MGA: variants seen among roughly 807,000 people sequenced by gnomAD.
The protein encoded by MGA is MAX dimerization protein MGA, also known as MAX gene-associated protein.
Under a neutral mutation model 261.1 loss-of-function variants are expected in MGA, and 40 were observed. That is an observed-to-expected ratio of 0.15 (90% CI 0.12 to 0.20). The LOEUF (loss-of-function observed/expected upper bound fraction) is 0.20, where lower values mean the gene tolerates loss of function less well. Among genes scored for constraint, MGA ranks in the 10% least tolerant of loss-of-function variants. MGA has a pLI of 1.00. For missense variants in MGA, 3,397 were observed against 3,630.5 expected (o/e 0.94, Z 1.65); for synonymous variants, 1,302 against 1,290.6 (o/e 1.01, Z -0.19).
At chr15:41,703,310 A>G (rs1445218470) in intron 5 of MGA, among the ~76,000 whole-genome samples, 1 of 146,030 alleles carries the variant, frequency 6.8e-6, no homozygotes, top group African/African-American at 2.5e-5. Flanking sequence ...ATTTATCACT[A>G]TTGATGTTGA....
chr15:41,737,851 G>A lies in MGA; in HGVS notation c.4434+1153G>A, dbSNP rs571160555. Among the ~76,000 whole-genome samples the A allele has an allele frequency of 5.3e-5, 8 of 151,948 alleles. No homozygotes were observed. In the South Asian group the frequency reaches 8.3e-4, roughly 16 times the overall value. On this transcript the variant is annotated intron_variant, in intron 13 of 23. Coordinates refer to ENST00000219905, the MANE Select transcript of MGA (RefSeq NM_001164273.2). ...AAAAGTTAGCCCGGCGTGGTGGCGC[G>A]CGCCTGTAATCCCAGCTTCTTGAGA...
chr15:41,642,248 A>G (rs929713533), intron 1 of MGA, among the ~76,000 whole-genome samples: 1 of 151,222 alleles, frequency 6.6e-6, no homozygotes, highest in African/African-American at 2.4e-5. Context: ...TATATCTTCA[A>G]TGGAGAAATG....
chr15:41,657,641 C>G (rs1033731592), upstream of MGA, among the ~76,000 whole-genome samples: 6 of 151,174 alleles, frequency 4.0e-5, no homozygotes, highest in African/African-American at 1.5e-4. Flanking sequence ...CAGGACTGAG[C>G]CACCGCACCT....
chr15:41,636,005 A>G (rs763415845), intron 1 of MGA, among the ~76,000 whole-genome samples: 5 of 152,360 alleles, frequency 3.3e-5, no homozygotes, highest in South Asian at 2.1e-4. Context: ...TGATACTGCA[A>G]TAACATACAG....
At chr15:41,651,748 TTCCCCTCCTCCTCTCCCCTC>T in intron 1 of MGA, among the ~76,000 whole-genome samples, 1 of 53,836 alleles carries the variant, frequency 1.9e-5, no homozygotes, top group African/African-American at 7.6e-5. Context: ...CCCCTCTTCC[TTCCCCTCCTCCTCTCCCCTC>T]CCCCTCTCCT....
chr15:41,666,526 T>C (rs1231647047), intron 1 of MGA, among the ~76,000 whole-genome samples: 2 of 152,206 alleles, frequency 1.3e-5, no homozygotes, highest in Non-Finnish European at 2.9e-5. Context: ...CCAAACCTTA[T>C]ATTATGCAGT....
At chr15:41,724,578 A>G (rs1420137157) in intron 9 of MGA, among the ~76,000 whole-genome samples, 1 of 152,344 alleles carries the variant, frequency 6.6e-6, no homozygotes, top group South Asian at 2.1e-4. Context: ...TCTCAGCTAT[A>G]AGATGAGGCA....
chr15:41,705,192 T>TGACCTCAGGTGATCTGCC (rs1314026002), intron 5 of MGA, among the ~76,000 whole-genome samples: 1 of 152,168 alleles, frequency 6.6e-6, no homozygotes, highest in African/African-American at 2.4e-5. Flanking sequence ...TTTTCTTGCA[T>TGACCTCAGGTGATCTGCC]GACCTCAGGT....
intron 2 of MGA, among the ~76,000 whole-genome samples, chr15:41,683,976 G>T (rs892086849): frequency 2.6e-4 from 40 of 151,918 alleles, no homozygotes; most frequent in Admixed American, 2.6e-3. Context: ...GGATGTGCAG[G>T]TTAGTTACAT....
At chr15:41,707,910 G>C in intron 6 of MGA, 51 bp downstream of exon 6, 1 of 1,579,404 alleles carries the variant, frequency 6.3e-7, no homozygotes, top group Non-Finnish European at 8.6e-7. Context: ...TGAAGTTTAC[G>C]TTATTTGTAA....
intron 9 of MGA, among the ~76,000 whole-genome samples, chr15:41,723,018 T>C (rs1260123060): frequency 6.6e-6 from 1 of 152,214 alleles, no homozygotes; most frequent in Non-Finnish European, 1.5e-5. Context: ...GTGATAAAGC[T>C]AGGGGACTTG....
intron 1 of MGA, among the ~76,000 whole-genome samples, chr15:41,651,988 G>A (rs1359740678): frequency 1.5e-5 from 1 of 66,072 alleles, no homozygotes; most frequent in Admixed American, 2.5e-4. Flanking sequence ...TTTTTGAGAC[G>A]GAGTCTCTTG....
At chr15:41,631,448 G>A (rs778492744) in intron 1 of MGA, among the ~76,000 whole-genome samples, 5 of 152,196 alleles carry the variant, frequency 3.3e-5, no homozygotes, top group Non-Finnish European at 7.3e-5. Flanking sequence ...AAGGAGGATT[G>A]CTTGAGGCTA....
intron 19 of MGA, among the ~76,000 whole-genome samples, chr15:41,759,448 G>A (rs1017099538): frequency 1.4e-5 from 2 of 142,558 alleles, no homozygotes; most frequent in African/African-American, 2.5e-5. Context: ...ATGTGTGTGT[G>A]TGTGTGTGTG....
chr15:41,730,485 TAACTC>T (rs1431293322), intron 11 of MGA, among the ~76,000 whole-genome samples: 2 of 152,016 alleles, frequency 1.3e-5, no homozygotes, highest in Non-Finnish European at 2.9e-5. Flanking sequence ...TCAAGAAAGT[TAACTC>T]AATAATAGGG....
intron 2 of MGA, among the ~76,000 whole-genome samples, chr15:41,681,015 A>G (rs7168489): frequency 0.15 from 23,200 of 152,182 alleles, 2,648 homozygotes; most frequent in East Asian, 0.68. Flanking sequence ...GGTGTGAGCC[A>G]GTGGGTTCAT....
At chr15:41,646,302 G>A (rs2056931181) in intron 1 of MGA, among the ~76,000 whole-genome samples, 1 of 151,728 alleles carries the variant, frequency 6.6e-6, no homozygotes, top group Non-Finnish European at 1.5e-5. Flanking sequence ...ATTTAGCTGT[G>A]AGGAGATATT....
At chr15:41,679,629 G>T (rs1030128806) in intron 2 of MGA, among the ~76,000 whole-genome samples, 3 of 151,798 alleles carry the variant, frequency 2.0e-5, no homozygotes, top group Admixed American at 6.6e-5. Flanking sequence ...TGTTCATTGT[G>T]TAGAAATACA....
At chr15:41,696,042 C>A in intron 2 of MGA, 33 bp from the exon 3 acceptor site, 4 of 1,387,432 alleles carry the variant, frequency 2.9e-6, no homozygotes, top group Non-Finnish European at 3.9e-6. Context: ...TCATTTTGTA[C>A]TTTTAAAATC....
Sources: allele counts gnomAD v4.1 joint callset (sites outside exome capture counted in the v4.1 genomes callset), GRCh38; gene constraint gnomAD v4.1.1; transcripts MANE v1.5; gene names NCBI Gene and HGNC (gene_info 2026-07-23, HGNC 2026-07-21).